The following TRPC6 variants were observed in gnomAD, a reference collection of about 807,000 sequenced individuals.
TRPC6 encodes short transient receptor potential channel 6.
TRPC6 carries 55 observed loss-of-function variants against 90.7 expected under a neutral mutation model. That is an observed-to-expected ratio of 0.61 (90% CI 0.49 to 0.76). TRPC6 has a LOEUF of 0.76. Among genes scored for constraint, TRPC6 ranks in the 30% least tolerant of loss-of-function variants. TRPC6 has a pLI of 0.00. For missense variants in TRPC6, 989 were observed against 1,122.7 expected (o/e 0.88, Z 1.70); for synonymous variants, 393 against 393.0 (o/e 1.00, Z 0.00).
chr11:101,500,933 C>T (rs1240675610), intron 2 of TRPC6, among the ~76,000 whole-genome samples: 1 of 152,080 alleles, frequency 6.6e-6, no homozygotes, highest in Non-Finnish European at 1.5e-5. Flanking sequence ...TTGAAGAGTT[C>T]TATTCTTAAA....
Position 101,503,035 on chromosome 11 carries a change from C to G in TRPC6, c.945+989G>C, listed in dbSNP as rs186762543. 3.1e-3 allele frequency among the ~76,000 whole-genome samples: 474 copies of G among 152,234 alleles called. 5 individuals are homozygous for G. The highest frequency in any genetic ancestry group is 3.0e-3 in the Non-Finnish European group (206 of 68,002). ...CTTGATGAATCAAACCTGTTTCCAA[C>G]CTGCATTATTTAGTAAAGGAGATAA... On this transcript the variant is annotated intron_variant, in intron 2 of 12. Coordinates refer to ENST00000344327, the MANE Select transcript of TRPC6 (RefSeq NM_004621.6).
chr11:101,467,612 C>T (rs1859179459), intron 10 of TRPC6, among the ~76,000 whole-genome samples: 2 of 152,112 alleles, frequency 1.3e-5, no homozygotes, highest in Non-Finnish European at 1.5e-5. Flanking sequence ...AACTTAATTC[C>T]GTGTTTCCTA....
chr11:101,472,714 A>C (rs534865801), intron 7 of TRPC6, among the ~76,000 whole-genome samples: 38 of 152,284 alleles, frequency 2.5e-4, no homozygotes, highest in African/African-American at 7.7e-4. Flanking sequence ...ATAATCATAT[A>C]CATCTTAATG....
At chr11:101,547,644 A>C (rs990157642) in intron 1 of TRPC6, among the ~76,000 whole-genome samples, 4 of 152,290 alleles carry the variant, frequency 2.6e-5, no homozygotes, top group Middle Eastern at 3.4e-3. Context: ...GAAAGCAATA[A>C]GTTATCAGAA....
intron 1 of TRPC6, among the ~76,000 whole-genome samples, chr11:101,525,284 A>G (rs530023774): frequency 3.2e-4 from 48 of 152,318 alleles, no homozygotes; most frequent in African/African-American, 1.2e-3. Context: ...TGTGATCTTG[A>G]GTGACTAACT....
intron 11 of TRPC6, among the ~76,000 whole-genome samples, 180 bp from the exon 12 acceptor site, chr11:101,453,905 G>A (rs1858823171): frequency 6.6e-6 from 1 of 152,128 alleles, no homozygotes; most frequent in Admixed American, 6.6e-5. Context: ...CCTTTTTAAA[G>A]CAGTTTTCAC....
intron 1 of TRPC6, among the ~76,000 whole-genome samples, chr11:101,545,899 T>A (rs912729946): frequency 7.2e-5 from 11 of 152,098 alleles, no homozygotes; most frequent in African/African-American, 2.7e-4. Context: ...TTTCTGGTTT[T>A]CACACAGATG....
chr11:101,471,883 GT>G (rs1276033438), intron 8 of TRPC6, among the ~76,000 whole-genome samples: 2 of 152,128 alleles, frequency 1.3e-5, no homozygotes, highest in Admixed American at 6.6e-5. Flanking sequence ...TATTTCTAAA[GT>G]TTTTTATTAA....
At chr11:101,532,904 G>T (rs1189935060) in intron 1 of TRPC6, among the ~76,000 whole-genome samples, 3 of 152,094 alleles carry the variant, frequency 2.0e-5, no homozygotes, top group Admixed American at 1.3e-4. Flanking sequence ...CTTCCTCCCA[G>T]CTGCCCCAAG....
intron 1 of TRPC6, among the ~76,000 whole-genome samples, chr11:101,549,124 G>T (rs77691523): frequency 6.6e-6 from 1 of 151,722 alleles, no homozygotes; most frequent in South Asian, 2.1e-4. Context: ...CCTACTAATG[G>T]GAGGAGCTGA....
At position 101,504,315 on chromosome 11, in the gene TRPC6, A is replaced by T; in HGVS notation, c.654T>A (p.His218Gln). ...AYDEDGTRFS[H>Q]DVTPIILAAH... The stretch of plus-strand genomic sequence containing the variant: ...CAGCCAGAATGATTGGAGTCACATC[A>T]TGGGAGAACCGTGTCCCATCTTCAT... Residue 218 changes from histidine to glutamine, a missense_variant, in exon 2 of 13, where the codon CAT becomes CAA. Transcript: ENST00000344327. 6.2e-7 allele frequency: 1 copy of T among 1,613,938 alleles called. No homozygotes were observed. Among genetic ancestry groups the T allele is most frequent in the Non-Finnish European group, 8.5e-7 (1 of 1,179,822 alleles).
At chr11:101,547,373 T>C (rs1196894781) in intron 1 of TRPC6, among the ~76,000 whole-genome samples, 1 of 152,182 alleles carries the variant, frequency 6.6e-6, no homozygotes, top group African/African-American at 2.4e-5. Flanking sequence ...CTTTTTGATA[T>C]GAGAATAACA....
rs10501981 is a variant in TRPC6 at position 101,504,884 on chromosome 11, C to G, written c.171-86G>C. 644,457 of 1,473,998 alleles carry G rather than the reference C, an allele frequency of 0.44. 143,332 individuals carry two copies. The highest frequency in any genetic ancestry group is 0.55 in the African/African-American group (39,183 of 71,280). The allele number at this position is 1,473,998 out of a possible 1,614,324, so 91.3% of individuals were successfully genotyped here. ...GACTTGCCATTCATCTAATACAATCCTCAAGTATATTAGATGTTGTCTCAT... is the reference window on the plus strand; with the variant it reads ...GACTTGCCATTCATCTAATACAATCGTCAAGTATATTAGATGTTGTCTCAT... On this transcript the variant is annotated intron_variant, in intron 1 of 12. Coordinates refer to ENST00000344327, the MANE Select transcript of TRPC6 (RefSeq NM_004621.6).
At chr11:101,543,573 A>G (rs1478917381) in intron 1 of TRPC6, among the ~76,000 whole-genome samples, 1 of 152,134 alleles carries the variant, frequency 6.6e-6, no homozygotes, top group South Asian at 2.1e-4. Flanking sequence ...CAGATTAGAA[A>G]TAACCACACA....
chr11:101,467,018 G>A (rs181257956), intron 10 of TRPC6, among the ~76,000 whole-genome samples: 64 of 152,218 alleles, frequency 4.2e-4, no homozygotes, highest in African/African-American at 1.4e-3. Context: ...GCTTCAGCTC[G>A]CCTTCTGTGG....
chr11:101,548,457 GAT>G (rs143790648), intron 1 of TRPC6, among the ~76,000 whole-genome samples: 107 of 123,410 alleles, frequency 8.7e-4, no homozygotes, highest in African/African-American at 1.7e-3. Context: ...TATATATACT[GAT>G]ATATATATAT....
At chr11:101,455,951 C>G (rs1400264143) in intron 10 of TRPC6, among the ~76,000 whole-genome samples, 1 of 151,876 alleles carries the variant, frequency 6.6e-6, no homozygotes, top group Non-Finnish European at 1.5e-5. Flanking sequence ...ATGGTAACAG[C>G]TCAATTATGA....
rs745826035 is a variant in TRPC6 at position 101,472,243 on chromosome 11, A to G, written c.2099T>C (p.Ile700Thr). 4 of 1,613,254 alleles carry G rather than the reference A, an allele frequency of 2.5e-6. No individual in the cohort carries two copies. In the Admixed American group the frequency reaches 5.0e-5, roughly 20 times the overall value. The change falls in exon 8 of 13, where the codon ATT becomes ACT. Residue 700 changes from isoleucine (I) to threonine (T), a missense_variant. This residue lies in a region of TRPC6 where 118 missense variants were observed against 197.6 expected (regional missense o/e 0.60). Transcript: ENST00000344327. The stretch of plus-strand genomic sequence containing the variant: ...ATAAAGAACGTAACCAATGTTTTCA[A>G]TGAATTTGTGGTTATAGTTGATGAC... ...SVVINYNHKFIENIGYVLYGV... is the reference protein window; with the variant it reads ...SVVINYNHKFTENIGYVLYGV...
intron 1 of TRPC6, among the ~76,000 whole-genome samples, chr11:101,517,486 A>G (rs909177869): frequency 1.3e-5 from 2 of 152,176 alleles, no homozygotes; most frequent in Admixed American, 1.3e-4. Context: ...TGTTTCCTCT[A>G]TGTATCCTAC....
Sources: gnomAD v4.1 joint callset for allele counts (sites outside exome capture counted in the v4.1 genomes callset) on GRCh38, gnomAD v4.1.1 for gene constraint, gnomAD v4.1.1 regional missense constraint, MANE v1.5 for transcripts, NCBI Gene and HGNC (gene_info 2026-07-23, HGNC 2026-07-21) for gene names.